Variants in NUAK1 observed in about 807,000 individuals in gnomAD.
NUAK1 encodes the protein NUAK family SNF1-like kinase 1.
In NUAK1, 26 loss-of-function variants were observed where a neutral mutation model predicts 56.9. The ratio of observed to expected loss-of-function variants is 0.46; its 90% CI spans 0.33 to 0.63. The LOEUF is 0.63. Among genes scored for constraint, NUAK1 ranks in the 30% least tolerant of loss-of-function variants. The pLI, the probability that NUAK1 is intolerant of heterozygous loss-of-function variation, is 0.02. For missense variants in NUAK1, 727 were observed against 876.1 expected (o/e 0.83, Z 2.15); for synonymous variants, 337 against 336.0 (o/e 1.00, Z -0.03).
chr12:106,090,547 T>C (rs2032625057), intron 2 of NUAK1, among the ~76,000 whole-genome samples: 4 of 152,148 alleles, frequency 2.6e-5, no homozygotes. Flanking sequence ...AGGTGAATAA[T>C]AATTCCCATA....
At chr12:106,092,725 T>C (rs189326508) in intron 2 of NUAK1, among the ~76,000 whole-genome samples, 4 of 152,292 alleles carry the variant, frequency 2.6e-5, no homozygotes, top group Admixed American at 6.5e-5. Context: ...GTGGATATCC[T>C]TGTGCATGTC....
chr12:106,130,235 G>A (rs1325824978), intron 1 of NUAK1, among the ~76,000 whole-genome samples: 1 of 152,110 alleles, frequency 6.6e-6, no homozygotes, highest in Non-Finnish European at 1.5e-5. Flanking sequence ...ACCCACTTCG[G>A]CCTCCCCAAG....
chr12:106,134,449 G>A (rs977985958), intron 1 of NUAK1, among the ~76,000 whole-genome samples: 1 of 152,168 alleles, frequency 6.6e-6, no homozygotes, highest in Non-Finnish European at 1.5e-5. Flanking sequence ...TGCTCTAGTG[G>A]CCAGGGGCAC....
rs1470475586 is a variant in NUAK1, at chr12:106,066,023, G to A, written c.*779C>T. The A allele has an allele frequency of 6.6e-6, 1 of 152,224 alleles. No homozygotes were observed. Among genetic ancestry groups the A allele is most frequent in the Non-Finnish European group, 1.5e-5 (1 of 68,052 alleles). 9.4% of individuals were successfully genotyped at this position (152,224 alleles called of 1,614,324 possible). A position where few individuals can be genotyped will look rare whatever the true frequency, so the allele number is the denominator to read the frequency against. ...ACCATGGGCTGACTCTATGTCCTTAGCAGAGTTCAGAGCATTCTCTCTCTG... is the reference window on the plus strand; with the variant it reads ...ACCATGGGCTGACTCTATGTCCTTAACAGAGTTCAGAGCATTCTCTCTCTG... On this transcript the variant is annotated 3_prime_UTR_variant, in exon 7 of 7. Coordinates refer to ENST00000261402, the MANE Select transcript of NUAK1 (RefSeq NM_014840.3).
chr12:106,096,709 G>A (rs1416959628), intron 2 of NUAK1, among the ~76,000 whole-genome samples: 1 of 152,216 alleles, frequency 6.6e-6, no homozygotes, highest in Admixed American at 6.5e-5. Context: ...AAGCCCGAAG[G>A]TATCATTCAC....
rs931378037 is a variant in NUAK1, at chr12:106,107,984, T to G, written c.241-1459A>C. ...GATCTTATTCACTGCTTTATTTAAC[T>G]TCCAGTCCTTAACACCATGCTTGGC... On this transcript the variant is annotated intron_variant, in intron 1 of 6. Transcript: ENST00000261402. Among the ~76,000 whole-genome samples the G allele has an allele frequency of 9.9e-5, 15 of 152,156 alleles. 1 individual carries two copies. Among genetic ancestry groups the G allele is most frequent in the Non-Finnish European group, 1.5e-5 (1 of 68,038 alleles).
intron 4 of NUAK1, 72 bp from the exon 5 acceptor site, chr12:106,072,915 CCACACAG>C (rs2032421046): frequency 1.3e-6 from 2 of 1,566,914 alleles, no homozygotes; most frequent in Non-Finnish European, 1.7e-6. Context: ...TCAGTTCACA[CCACACAG>C]CACACAGAGT....
intron 1 of NUAK1, among the ~76,000 whole-genome samples, chr12:106,107,658 A>G (rs926663079): frequency 1.3e-5 from 2 of 152,222 alleles, no homozygotes; most frequent in African/African-American, 4.8e-5. Context: ...CACCTTGCCT[A>G]TCACACAGTC....
chr12:106,066,790 C>A lies in NUAK1; in HGVS notation c.*12G>T, dbSNP rs369617236. On this transcript the variant is annotated 3_prime_UTR_variant, in exon 7 of 7. Transcript: ENST00000261402. ...CCTCGTACCCCCGCCCGCCCCTGGG[C>A]GCCCTGGAATGCTAGTTGAGCTTGC... The A allele has an allele frequency of 5.0e-6, 8 of 1,593,862 alleles. No individual in the cohort carries two copies. In the African/African-American group the frequency reaches 6.7e-5, roughly 13 times the overall value.
rs1264335168 is a variant in NUAK1, at chr12:106,089,539, C to T, written c.362-2654G>A. ...AGGTACGGTGGCTCACGCCTGTAAT[C>T]CCAGCCCTTTGGGAGGCTGAAGCAG... is the stretch of plus-strand genomic sequence containing the variant. On this transcript the variant is annotated intron_variant, in intron 2 of 6. Transcript: ENST00000261402. Among the ~76,000 whole-genome samples, 11 of 152,328 alleles carry T rather than the reference C, an allele frequency of 7.2e-5. No individual in the cohort carries two copies. In the South Asian group the frequency reaches 2.3e-3, roughly 32 times the overall value.
In NUAK1 at chr12:106,067,794, T is replaced by G. The variant is rs768485077; in HGVS notation, c.994A>C (p.Ile332Leu). 6.2e-7 allele frequency: 1 copy of G among 1,614,176 alleles called. No homozygotes were observed. Among genetic ancestry groups the G allele is most frequent in the South Asian group, 1.1e-5 (1 of 91,086 alleles). ...CCTGTGGAACGGTGGTGCCAGTCAA[T>G]GATCCGAGCCAGGAGTGGGGACTCA... The part of the protein sequence containing the change: ...DSESPLLARI[I>L]DWHHRSTGLQ... The change falls in exon 7 of 7, where the codon ATT (isoleucine) becomes CTT (leucine). Residue 332 changes from isoleucine (I) to leucine (L), a missense_variant. Transcript: ENST00000261402. This position sits in a 1 kb window ranked among gnomAD's most constrained non-coding sequence, Gnocchi z 6.0.
At chr12:106,136,589 C>T (rs1046408610) in intron 1 of NUAK1, among the ~76,000 whole-genome samples, 18 of 152,182 alleles carry the variant, frequency 1.2e-4, no homozygotes, top group Non-Finnish European at 2.5e-4. Context: ...TTAGAAAGGT[C>T]TGAGGTAGTG....
intron 1 of NUAK1, among the ~76,000 whole-genome samples, chr12:106,123,847 T>C (rs2033001460): frequency 6.6e-6 from 1 of 152,210 alleles, no homozygotes; most frequent in Admixed American, 6.5e-5. Context: ...TGTCCTTGGC[T>C]ACAACGTCCC....
intron 2 of NUAK1, among the ~76,000 whole-genome samples, chr12:106,102,036 A>G (rs984036238): frequency 3.9e-5 from 6 of 152,136 alleles, no homozygotes; most frequent in African/African-American, 1.4e-4. Flanking sequence ...ACAGTTATTT[A>G]GTGGATGTGG....
intron 1 of NUAK1, among the ~76,000 whole-genome samples, chr12:106,129,688 C>T (rs2033057884): frequency 6.6e-6 from 1 of 152,196 alleles, no homozygotes; most frequent in Non-Finnish European, 1.5e-5. Flanking sequence ...GTACTCCACC[C>T]TAGTACTTCT....
chr12:106,095,551 C>A (rs1014450843), intron 2 of NUAK1, among the ~76,000 whole-genome samples: 1 of 152,226 alleles, frequency 6.6e-6, no homozygotes, highest in African/African-American at 2.4e-5. Context: ...AATGAAGCCT[C>A]TACCTTACGT....
intron 2 of NUAK1, among the ~76,000 whole-genome samples, chr12:106,099,673 A>G (rs961035751): frequency 6.6e-6 from 1 of 152,168 alleles, no homozygotes; most frequent in Non-Finnish European, 1.5e-5. Context: ...CCTTACCATA[A>G]AATAGGGATC....
At chr12:106,094,009 ATGTTGCCCAGGC>A (rs547590315) in intron 2 of NUAK1, among the ~76,000 whole-genome samples, 231 of 151,206 alleles carry the variant, frequency 1.5e-3, no homozygotes, top group African/African-American at 5.3e-3. Context: ...GGGTTTCGCC[ATGTTGCCCAGGC>A]TGGTCTCAAA....
At chr12:106,133,155 C>G (rs779964076) in intron 1 of NUAK1, among the ~76,000 whole-genome samples, 1 of 152,144 alleles carries the variant, frequency 6.6e-6, no homozygotes, top group South Asian at 2.1e-4. Flanking sequence ...CCCATTGTGT[C>G]CCAGCACAAA....
Sources: gnomAD v4.1 joint callset for allele counts (sites outside exome capture counted in the v4.1 genomes callset) on GRCh38, gnomAD v4.1.1 for gene constraint, Gnocchi (gnomAD v3.1) non-coding constraint, MANE v1.5 for transcripts, NCBI Gene and HGNC (gene_info 2026-07-23, HGNC 2026-07-21) for gene names.